The following PLIN5 variants were observed in gnomAD, a reference collection of about 807,000 sequenced individuals.
PLIN5 encodes perilipin-5.
Under a neutral mutation model 32.8 loss-of-function variants are expected in PLIN5, and 34 were observed. The ratio of observed to expected loss-of-function variants is 1.04; its 90% CI spans 0.79 to 1.38. The LOEUF is 1.38. PLIN5 is among the 40% of genes most tolerant of loss of function. The pLI, the probability that PLIN5 is intolerant of heterozygous loss-of-function variation, is 0.00. For missense variants in PLIN5, 712 were observed against 660.5 expected (o/e 1.08, Z -0.85); for synonymous variants, 309 against 292.9 (o/e 1.05, Z -0.56).
rs1052966609 is a variant in PLIN5 at position 4,525,956 on chromosome 19, G to A, written c.521-124C>T. On this transcript the variant is annotated intron_variant, in intron 5 of 7. Transcript: ENST00000381848. This position sits in a 1 kb window ranked among gnomAD's most constrained non-coding sequence, Gnocchi z 5.6. ...CGGGGACAGGATACGGGGACAGCAC[G>A]GGGACAGCATGGGGTCAGCACAGCC... 4 of 834,394 alleles carry A rather than the reference G, an allele frequency of 4.8e-6. No homozygotes were observed. Among genetic ancestry groups the A allele is most frequent in the East Asian group, 5.5e-5 (2 of 36,672 alleles). The allele number at this position is 834,394 out of a possible 1,614,324, so 51.7% of individuals were successfully genotyped here.
rs200856182 is a variant in PLIN5, at chr19:4,523,590, G to A, written c.1330C>T (p.Gln444Ter). The stretch of plus-strand genomic sequence containing the variant: ...GGGCAGCTGGGGGTCTCGGGTTCCT[G>A]CTCGCAGATGTCCCCGGCAACACCC... The part of the protein sequence containing the change: ...RMGVAGDICE[Q>*]EPETPSCPVK... The change falls in exon 8 of 8, where the codon CAG (glutamine) becomes TAG (stop). Residue 444 changes from glutamine to a stop codon, truncating the protein, a stop_gained. Transcript: ENST00000381848. LOFTEE classifies it high-confidence loss of function. The surrounding 1 kb of genome is among the most constrained non-coding windows in gnomAD (Gnocchi z 5.0). The A allele has an allele frequency of 7.2e-5, 116 of 1,604,620 alleles. No individual in the cohort carries two copies. The highest frequency in any genetic ancestry group is 9.4e-5 in the Non-Finnish European group (111 of 1,175,842).
intron 5 of PLIN5, chr19:4,528,850 A>T (rs1976841039): frequency 2.4e-6 from 1 of 420,378 alleles, no homozygotes; most frequent in East Asian, 3.6e-5. Flanking sequence ...CAAGTCTAAA[A>T]GCCCTATATG....
chr19:4,529,753 G>A, intron 4 of PLIN5, 31 bp downstream of exon 4: 1 of 1,580,504 alleles, frequency 6.3e-7, no homozygotes, highest in Non-Finnish European at 8.7e-7. Context: ...TGCCCCCACT[G>A]GAGGTCCCCA....
rs1295532520 is a variant in PLIN5 at position 4,525,399 on chromosome 19, C to T, written c.720+234G>A. ...ACCTACCCTAACTTGCTATAAATTC[C>T]AGCTTCTCCTTCCCCTCTTCCACAA... On this transcript the variant is annotated intron_variant, in intron 6 of 7. Coordinates refer to ENST00000381848, the MANE Select transcript of PLIN5 (RefSeq NM_001013706.3). The surrounding 1 kb of genome is among the most constrained non-coding windows in gnomAD (Gnocchi z 5.6). Among the ~76,000 whole-genome samples, 1 of 152,106 alleles carries T rather than the reference C, an allele frequency of 6.6e-6. No homozygotes were observed. Among genetic ancestry groups the T allele is most frequent in the Admixed American group, 6.5e-5 (1 of 15,276 alleles).
chr19:4,527,577 T>A (rs1350028047), intron 5 of PLIN5, among the ~76,000 whole-genome samples: 4 of 136,964 alleles, frequency 2.9e-5, no homozygotes, highest in African/African-American at 1.1e-4. Context: ...CAACAATGGT[T>A]GGGCGTGGTG....
At position 4,534,211 on chromosome 19, in the gene PLIN5, A is replaced by G. The variant is rs1305925355; in HGVS notation, c.-21-116T>C. Reference sequence around the variant, plus strand: ...TTGGGGCCTCAGTTTCTTCATCTGCATAATGGGGCATTCTGTGGAGCTCAG... The same window carrying G: ...TTGGGGCCTCAGTTTCTTCATCTGCGTAATGGGGCATTCTGTGGAGCTCAG... On this transcript the variant is annotated intron_variant, in intron 1 of 7. Coordinates refer to ENST00000381848, the MANE Select transcript of PLIN5 (RefSeq NM_001013706.3). 3 of 783,010 alleles carry G rather than the reference A, an allele frequency of 3.8e-6. No individual in the cohort carries two copies. The East Asian group carries it at 8.0e-5, about 21-fold the overall frequency. 48.5% of individuals were successfully genotyped at this position (783,010 alleles called of 1,614,324 possible). A position where few individuals can be genotyped will look rare whatever the true frequency, so the allele number is the denominator to read the frequency against.
intron 2 of PLIN5, chr19:4,533,557 C>A: frequency 4.5e-6 from 1 of 222,992 alleles, no homozygotes; most frequent in Admixed American, 5.5e-5. Flanking sequence ...TGAACTTGGG[C>A]AAGCCACTGA....
Position 4,523,338 on chromosome 19 carries a change from C to T in PLIN5, c.*190G>A. Reference sequence around the variant, plus strand: ...GGTTCGAGGCCCTGCTCCCCCGGGCCTCTTTGTCCATGTGTTCAAGGAAAA... The same window carrying T: ...GGTTCGAGGCCCTGCTCCCCCGGGCTTCTTTGTCCATGTGTTCAAGGAAAA... On this transcript the variant is annotated 3_prime_UTR_variant, in exon 8 of 8. Transcript: ENST00000381848. This position sits in a 1 kb window ranked among gnomAD's most constrained non-coding sequence, Gnocchi z 5.0. The T allele has an allele frequency of 1.6e-6, 1 of 612,298 alleles. No individual in the cohort carries two copies. Among genetic ancestry groups the T allele is most frequent in the South Asian group, 3.0e-5 (1 of 32,982 alleles). The allele number at this position is 612,298 out of a possible 1,614,324, so 37.9% of individuals were successfully genotyped here. A position where few individuals can be genotyped will look rare whatever the true frequency, so the allele number is the denominator to read the frequency against.
chr19:4,534,198 T>G, intron 1 of PLIN5, 103 bp from the exon 2 acceptor site: 2 of 912,512 alleles, frequency 2.2e-6, no homozygotes, highest in Non-Finnish European at 3.4e-6. Context: ...GGGGCCTCAG[T>G]TTCTTCATCT....
At chr19:4,527,983 C>T (rs983783606) in intron 5 of PLIN5, among the ~76,000 whole-genome samples, 1 of 151,408 alleles carries the variant, frequency 6.6e-6, no homozygotes, top group African/African-American at 2.4e-5. Flanking sequence ...GATCTCTGCT[C>T]ACTGCAAGCT....
Position 4,534,852 on chromosome 19 carries a change from G to GCAAC in PLIN5, c.-22+309_-22+312dup. Among the ~76,000 whole-genome samples, 3 of 152,318 alleles carry GCAAC rather than the reference G, an allele frequency of 2.0e-5. No homozygotes were observed. The South Asian group carries it at 6.2e-4, about 32-fold the overall frequency. ...ACTCACAGCTCATTTGACAGACAGG[G>GCAAC]CAACTGAGGTACGCAGCAGGTCCAT... On this transcript the variant is annotated intron_variant, in intron 1 of 7. Coordinates refer to ENST00000381848, the MANE Select transcript of PLIN5 (RefSeq NM_001013706.3).
intron 5 of PLIN5, among the ~76,000 whole-genome samples, chr19:4,526,611 TGGGAGGATTGCTTGAGCCCA>T (rs1879928616): frequency 6.7e-6 from 1 of 149,726 alleles, no homozygotes. Context: ...GAGGCCGAGA[TGGGAGGATTGCTTGAGCCCA>T]GGGAGGATTA....
At position 4,523,885 on chromosome 19, in the gene PLIN5, G is replaced by A. The variant is rs759969754; in HGVS notation, c.1035C>T (p.Ala345=). 4.3e-5 allele frequency: 65 copies of A among 1,511,798 alleles called. No individual in the cohort carries two copies. Among genetic ancestry groups the A allele is most frequent in the South Asian group, 1.3e-4 (10 of 79,440 alleles). 93.6% of individuals were successfully genotyped at this position (1,511,798 alleles called of 1,614,324 possible). A position where few individuals can be genotyped will look rare whatever the true frequency, so the allele number is the denominator to read the frequency against. The change falls in exon 8 of 8, where the codon GCC becomes GCT. Residue 345 remains alanine, a synonymous_variant. Transcript: ENST00000381848. The surrounding 1 kb of genome is among the most constrained non-coding windows in gnomAD (Gnocchi z 5.0). ...CFRDVPAAAL[A]EGRGRVAHAH... is the part of the protein sequence containing the mutation. ...CGTGGGCCACGCGACCCCGGCCCTC[G>A]GCCAGCGCGGCCGCTGGCACGTCCC... is the stretch of plus-strand genomic sequence containing the variant.
Position 4,525,133 on chromosome 19 carries a change from C to T in PLIN5, c.721-57G>A, listed in dbSNP as rs1323567114. ...TGGGGGAGCTGGGGGAGCTGGGGGT[C>T]GGGGTGGGGTCCAGGACCACTGATC... On this transcript the variant is annotated intron_variant, in intron 6 of 7. Transcript: ENST00000381848. The surrounding 1 kb of genome is among the most constrained non-coding windows in gnomAD (Gnocchi z 5.6). 12 of 300,392 alleles carry T rather than the reference C, an allele frequency of 4.0e-5. No individual in the cohort carries two copies. Among genetic ancestry groups the T allele is most frequent in the Middle Eastern group, 1.1e-3 (1 of 938 alleles). The allele number at this position is 300,392 out of a possible 1,614,324, so 18.6% of individuals were successfully genotyped here.
intron 7 of PLIN5, 104 bp downstream of exon 7, chr19:4,524,859 T>A: frequency 2.1e-6 from 2 of 946,794 alleles, no homozygotes; most frequent in Non-Finnish European, 3.0e-6. Context: ...ATAGCTTGAG[T>A]TGGGTCCCCG....
intron 5 of PLIN5, among the ~76,000 whole-genome samples, chr19:4,526,230 T>A (rs1286374095): frequency 6.6e-6 from 1 of 152,040 alleles, no homozygotes; most frequent in African/African-American, 2.4e-5. Flanking sequence ...TAACCATTTT[T>A]TTTTTCTTTG....
intron 4 of PLIN5, 193 bp downstream of exon 4, chr19:4,529,591 A>C: frequency 1.9e-6 from 1 of 534,590 alleles, no homozygotes; most frequent in Non-Finnish European, 3.3e-6. Context: ...TATACACTAT[A>C]CGTATATACA....
chr19:4,523,752 G>A lies in PLIN5; in HGVS notation c.1168C>T (p.Pro390Ser). The A allele has an allele frequency of 6.2e-7, 1 of 1,600,086 alleles. No homozygotes were observed. The highest frequency in any genetic ancestry group is 8.5e-7 in the Non-Finnish European group (1 of 1,179,418). Reference protein sequence around the residue: ...PILVERPEPLPDLADLVDEVI... With the variant: ...PILVERPEPLSDLADLVDEVI... ...TCGTCCACCAGGTCCGCCAGGTCGG[G>A]CAGGGGCTCGGGTCGCTCCACAAGG... The change falls in exon 8 of 8, where the codon CCC becomes TCC. Residue 390 changes from proline (P) to serine (S), a missense_variant. By Grantham distance (74) the Pro-to-Ser change is moderately conservative. Transcript: ENST00000381848. The surrounding 1 kb of genome is among the most constrained non-coding windows in gnomAD (Gnocchi z 5.0).
Position 4,523,525 on chromosome 19 carries a change from G to A in PLIN5, c.*3C>T. 6.5e-7 allele frequency: 1 copy of A among 1,545,002 alleles called. No homozygotes were observed. Among genetic ancestry groups the A allele is most frequent in the Non-Finnish European group, 8.8e-7 (1 of 1,142,278 alleles). On this transcript the variant is annotated 3_prime_UTR_variant, in exon 8 of 8. Transcript: ENST00000381848. This position sits in a 1 kb window ranked among gnomAD's most constrained non-coding sequence, Gnocchi z 5.0. ...TTCCTCCCCGCCTCCACTGGCCCAT[G>A]GGTCAGAAGTCCAGCTCGGGCATCA...
Sources: gnomAD v4.1 joint callset for allele counts (sites outside exome capture counted in the v4.1 genomes callset) on GRCh38, gnomAD v4.1.1 for gene constraint, Gnocchi (gnomAD v3.1) non-coding constraint, MANE v1.5 for transcripts, NCBI Gene and HGNC (gene_info 2026-07-23, HGNC 2026-07-21) for gene names.